ABCC11: variants seen among roughly 807,000 people sequenced by gnomAD.
ABCC11 encodes the protein ATP-binding cassette sub-family C member 11.
In ABCC11, 135 loss-of-function variants were observed where a neutral mutation model predicts 149.3. The observed-to-expected ratio is 0.90, with a 90% CI of 0.79 to 1.04. ABCC11 has a LOEUF of 1.04. Ranked by LOEUF, ABCC11 falls within the 50% of genes least tolerant of loss-of-function variation. The pLI is 0.00. For synonymous variants in ABCC11, 665 were observed against 671.4 expected (o/e 0.99, Z 0.15); for missense variants, 1,680 against 1,722.1 (o/e 0.98, Z 0.43).
Position 48,175,422 on chromosome 16 carries a change from G to T in ABCC11, c.3539-5C>A, listed in dbSNP as rs775044633. On this transcript the variant is annotated splice_polypyrimidine_tract_variant and splice_region_variant and intron_variant, in intron 25 of 29. Coordinates refer to ENST00000356608, the MANE Select transcript of ABCC11 (RefSeq NM_001370497.1). The stretch of plus-strand genomic sequence containing the variant: ...CCATGCCCAAGGAGGACTTCCCTGT[G>T]GGGCAAGAAACAAGCGGGGCCTCAG... 6.2e-7 allele frequency: 1 copy of T among 1,602,006 alleles called. No homozygotes were observed. The highest frequency in any genetic ancestry group is 1.7e-5 in the Admixed American group (1 of 59,574).
chr16:48,183,343 T>A (rs1966560335), intron 23 of ABCC11, among the ~76,000 whole-genome samples: 1 of 152,232 alleles, frequency 6.6e-6, no homozygotes, highest in Admixed American at 6.5e-5. Flanking sequence ...CAGTGAACCT[T>A]GGCCAGTCGC....
chr16:48,232,485 T>C (rs559181156), intron 1 of ABCC11, among the ~76,000 whole-genome samples: 44 of 152,290 alleles, frequency 2.9e-4, no homozygotes, highest in African/African-American at 1.1e-3. Flanking sequence ...CTTTCACTCT[T>C]GGTTTTCACA....
chr16:48,236,497 A>C (rs1341046228), intron 1 of ABCC11, among the ~76,000 whole-genome samples: 4 of 152,232 alleles, frequency 2.6e-5, no homozygotes, highest in Non-Finnish European at 5.9e-5. Context: ...CATTGAATGT[A>C]AGCTCTTTGA....
intron 9 of ABCC11, 50 bp from the exon 10 acceptor site, chr16:48,213,600 C>T: frequency 6.9e-7 from 1 of 1,445,140 alleles, no homozygotes. Flanking sequence ...TTCCTGCTTC[C>T]TCCATTCCCT....
chr16:48,245,174 T>C (rs1971295050), intron 1 of ABCC11, among the ~76,000 whole-genome samples: 1 of 152,172 alleles, frequency 6.6e-6, no homozygotes, highest in Non-Finnish European at 1.5e-5. Context: ...ACCCTTCTCC[T>C]TCTCCCCCTA....
At chr16:48,238,686 C>A (rs1298703640) in intron 1 of ABCC11, among the ~76,000 whole-genome samples, 5 of 151,894 alleles carry the variant, frequency 3.3e-5, no homozygotes, top group Admixed American at 1.3e-4. Context: ...GCCTGTAATC[C>A]CAGCACTTTG....
In ABCC11 at chr16:48,203,793, G is replaced by A. The variant is rs900537568; in HGVS notation, c.1806-493C>T. ...TGAGGCAGGAGAATCACTTGAACCA[G>A]GGAGGCGGAAAGGTTGCAGTAAGCC... On this transcript the variant is annotated intron_variant, in intron 13 of 29. Transcript: ENST00000356608. 4.4e-4 allele frequency among the ~76,000 whole-genome samples: 67 copies of A among 152,170 alleles called. 1 individual carries two copies. Among genetic ancestry groups the A allele is most frequent in the Non-Finnish European group, 1.5e-4 (10 of 68,020 alleles).
At chr16:48,244,642 G>C in intron 1 of ABCC11, 2 of 1,301,490 alleles carry the variant, frequency 1.5e-6, no homozygotes, top group Non-Finnish European at 9.8e-7. Context: ...CTGCCCCCGC[G>C]GCGGCGGCGG....
intron 3 of ABCC11, among the ~76,000 whole-genome samples, 155 bp downstream of exon 3, chr16:48,230,282 C>T (rs1003765815): frequency 6.6e-5 from 10 of 152,206 alleles, no homozygotes; most frequent in African/African-American, 2.4e-4. Context: ...ATGGCTATGA[C>T]GATGTGCCTC....
chr16:48,242,092 A>G (rs146383721), intron 1 of ABCC11, among the ~76,000 whole-genome samples: 2,284 of 152,352 alleles, frequency 0.015, 70 homozygotes, highest in African/African-American at 0.053. Context: ...ATAAACCACC[A>G]TCAGAGTGAA....
chr16:48,172,207 T>C (rs1965767203), intron 26 of ABCC11, among the ~76,000 whole-genome samples: 1 of 152,218 alleles, frequency 6.6e-6, no homozygotes, highest in Admixed American at 6.5e-5. Flanking sequence ...ATTTCCCTTC[T>C]TTTTAGAGCT....
chr16:48,183,890 C>T (rs16945919), intron 23 of ABCC11, among the ~76,000 whole-genome samples: 1 of 152,092 alleles, frequency 6.6e-6, no homozygotes, highest in African/African-American at 2.4e-5. Context: ...TCAAACCCCC[C>T]GGCTAAGGTC....
intron 25 of ABCC11, among the ~76,000 whole-genome samples, 158 bp downstream of exon 25, chr16:48,176,766 T>C (rs1337948751): frequency 1.3e-5 from 2 of 152,154 alleles, no homozygotes; most frequent in Non-Finnish European, 2.9e-5. Flanking sequence ...GGACCTTGGG[T>C]TTCGCTCACC....
intron 28 of ABCC11, 40 bp from the exon 29 acceptor site, chr16:48,167,700 G>T (rs1347028265): frequency 1.2e-6 from 2 of 1,607,198 alleles, no homozygotes; most frequent in Non-Finnish European, 8.5e-7. Flanking sequence ...TCTACTTCAG[G>T]CCCTAGAGAC....
Position 48,200,432 on chromosome 16 carries a change from G to A in ABCC11, c.1926C>T (p.Ile642=), listed in dbSNP as rs1408338845. The A allele has an allele frequency of 6.2e-7, 1 of 1,614,222 alleles. No individual in the cohort carries two copies. Among genetic ancestry groups the A allele is most frequent in the East Asian group, 2.2e-5 (1 of 44,874 alleles). The change falls in exon 15 of 30, where the codon ATC becomes ATT. Residue 642 remains isoleucine (I), a synonymous_variant. Coordinates refer to ENST00000356608, the MANE Select transcript of ABCC11 (RefSeq NM_001370497.1). ...CGGAATAGACGGCGCGGGCCAGGCT[G>A]ATCCTCTGTTTCTGCCCCCCAGAGA... is the stretch of plus-strand genomic sequence containing the variant. ...LNLSGGQKQR[I]SLARAVYSDR... is the part of the protein sequence containing the mutation.
At chr16:48,202,667 AT>A (rs1403633294) in intron 14 of ABCC11, among the ~76,000 whole-genome samples, 2 of 152,038 alleles carry the variant, frequency 1.3e-5, no homozygotes, top group Non-Finnish European at 2.9e-5. Context: ...TCCTGAGGTT[AT>A]TGAGATTATC....
intron 4 of ABCC11, among the ~76,000 whole-genome samples, chr16:48,226,529 G>A (rs1020383916): frequency 6.6e-6 from 1 of 151,946 alleles, no homozygotes; most frequent in Non-Finnish European, 1.5e-5. Context: ...TGCCCACCTT[G>A]GCCTCCCAAA....
At chr16:48,181,897 G>A (rs1410311361) in intron 23 of ABCC11, among the ~76,000 whole-genome samples, 3 of 152,242 alleles carry the variant, frequency 2.0e-5, no homozygotes, top group South Asian at 2.1e-4. Context: ...ACAGGCGTGA[G>A]CCAACGTGCC....
chr16:48,210,806 T>A, intron 11 of ABCC11, 142 bp downstream of exon 11: 4 of 1,156,664 alleles, frequency 3.5e-6, no homozygotes, highest in Non-Finnish European at 4.8e-6. Flanking sequence ...TTGCCCTCCA[T>A]GAAAAATTTG....
Sources: allele counts gnomAD v4.1 joint callset (sites outside exome capture counted in the v4.1 genomes callset), GRCh38; gene constraint gnomAD v4.1.1; transcripts MANE v1.5; gene names NCBI Gene and HGNC (gene_info 2026-07-23, HGNC 2026-07-21).